Variants in HHIP observed in about 807,000 individuals in gnomAD.
The protein encoded by HHIP is hedgehog-interacting protein.
Under a neutral mutation model 74.0 loss-of-function variants are expected in HHIP, and 12 were observed. The ratio of observed to expected loss-of-function variants is 0.16; its 90% CI spans 0.10 to 0.26. The LOEUF (loss-of-function observed/expected upper bound fraction) is 0.26. HHIP is among the 10% of genes least tolerant of loss of function. The probability of loss-of-function intolerance (pLI) is 1.00; values close to 1 mark genes in which losing one functional copy is unlikely to be tolerated. For missense variants in HHIP, 788 were observed against 845.0 expected (o/e 0.93, Z 0.84); for synonymous variants, 309 against 311.6 (o/e 0.99, Z 0.09).
chr4:144,658,401 G>A (rs1016082539), intron 2 of HHIP, among the ~76,000 whole-genome samples: 1 of 148,554 alleles, frequency 6.7e-6, no homozygotes, highest in Non-Finnish European at 1.5e-5. Flanking sequence ...AAGGTGTCTC[G>A]CTCTGTGGCT....
intron 4 of HHIP, among the ~76,000 whole-genome samples, chr4:144,668,278 C>T (rs1161528275): frequency 6.6e-6 from 1 of 151,582 alleles, no homozygotes; most frequent in Non-Finnish European, 1.5e-5. Flanking sequence ...GATCGCGCCA[C>T]GCCACTGCAC....
chr4:144,735,020 T>C (rs1731072321), intron 12 of HHIP, 131 bp downstream of exon 12: 1 of 751,206 alleles, frequency 1.3e-6, no homozygotes, highest in African/African-American at 1.8e-5. Flanking sequence ...ACAATACTAT[T>C]AATGCTCATC....
At chr4:144,736,877 C>A (rs1731134496) in intron 12 of HHIP, among the ~76,000 whole-genome samples, 1 of 146,092 alleles carries the variant, frequency 6.8e-6, no homozygotes. Context: ...TTTTTCTATC[C>A]CATGTGTCAA....
At chr4:144,690,823 C>A (rs1051318927) in intron 4 of HHIP, among the ~76,000 whole-genome samples, 1 of 151,972 alleles carries the variant, frequency 6.6e-6, no homozygotes. Context: ...ATTAGCATGG[C>A]CAACAGAAAC....
intron 3 of HHIP, 94 bp downstream of exon 3, chr4:144,659,040 T>C (rs1363270766): frequency 1.0e-6 from 1 of 981,572 alleles, no homozygotes; most frequent in Non-Finnish European, 1.5e-6. Context: ...GTGCTTATGT[T>C]CAGCAGCTAT....
chr4:144,701,136 C>A (rs978895186), intron 4 of HHIP, among the ~76,000 whole-genome samples: 7 of 152,130 alleles, frequency 4.6e-5, no homozygotes, highest in Non-Finnish European at 1.0e-4. Flanking sequence ...AATACCACCA[C>A]TCTATTCTTA....
intron 4 of HHIP, among the ~76,000 whole-genome samples, chr4:144,685,426 A>G (rs542757188): frequency 6.6e-6 from 1 of 152,370 alleles, no homozygotes; most frequent in Admixed American, 6.5e-5. Context: ...GTGATATTAA[A>G]TAGTTGTACA....
At chr4:144,704,290 TAATC>T (rs1253702412) in intron 4 of HHIP, among the ~76,000 whole-genome samples, 1 of 151,184 alleles carries the variant, frequency 6.6e-6, no homozygotes, top group Non-Finnish European at 1.5e-5. Flanking sequence ...ATGTAATGAT[TAATC>T]AATTGTAAAT....
intron 2 of HHIP, among the ~76,000 whole-genome samples, chr4:144,654,088 C>T (rs1347428652): frequency 6.6e-6 from 1 of 152,158 alleles, no homozygotes; most frequent in Non-Finnish European, 1.5e-5. Context: ...GATATCAACA[C>T]TTAGCATTTT....
At chr4:144,717,827 T>A (rs1178651539) in intron 10 of HHIP, among the ~76,000 whole-genome samples, 1 of 152,180 alleles carries the variant, frequency 6.6e-6, no homozygotes, top group Non-Finnish European at 1.5e-5. Context: ...TGTACTTTCA[T>A]GTCTTCTAAA....
At chr4:144,703,041 A>T (rs1730031201) in intron 4 of HHIP, among the ~76,000 whole-genome samples, 1 of 152,072 alleles carries the variant, frequency 6.6e-6, no homozygotes, top group Admixed American at 6.5e-5. Flanking sequence ...ACATGGTGAA[A>T]CCCTGTCTCT....
rs780925810 is a variant in HHIP at position 144,737,808 on chromosome 4, C to T, written c.1954C>T (p.Pro652Ser). 2.4e-5 allele frequency: 38 copies of T among 1,613,322 alleles called. No individual in the cohort carries two copies. Among genetic ancestry groups the T allele is most frequent in the Non-Finnish European group, 2.8e-5 (33 of 1,179,548 alleles). Reference protein sequence around the residue: ...ACRHGGVCVRPNKCLCKKGYL... With the variant: ...ACRHGGVCVRSNKCLCKKGYL... ...TCGTCATGGAGGTGTCTGTGTTAGA[C>T]CGAACAAGTGCCTCTGTAAAAAAGG... Residue 652 changes from proline (P) to serine (S), a missense_variant, in exon 13 of 13, where the codon CCG becomes TCG. Coordinates refer to ENST00000296575, the MANE Select transcript of HHIP (RefSeq NM_022475.3).
chr4:144,718,686 A>G (rs534950001), intron 10 of HHIP, among the ~76,000 whole-genome samples, 189 bp from the exon 11 acceptor site: 1 of 152,224 alleles, frequency 6.6e-6, no homozygotes, highest in African/African-American at 2.4e-5. Context: ...TATGGAAAGG[A>G]GTGACTGGAA....
intron 11 of HHIP, among the ~76,000 whole-genome samples, chr4:144,731,440 A>G (rs938256324): frequency 3.3e-5 from 5 of 152,034 alleles, no homozygotes; most frequent in African/African-American, 1.2e-4. Flanking sequence ...TTATTTTGAG[A>G]TGGGGTTTCA....
At chr4:144,670,511 C>A (rs1729005299) in intron 4 of HHIP, among the ~76,000 whole-genome samples, 1 of 148,640 alleles carries the variant, frequency 6.7e-6, no homozygotes, top group Non-Finnish European at 1.5e-5. Context: ...AAAGTAATTG[C>A]GGTTTTTGCC....
chr4:144,715,445 AG>A lies in HHIP; in HGVS notation c.1678+16del, dbSNP rs748313128. ...AGATGAACTAGGTACTGTACAATCT[AG>A]TTCTGTTAAGTTTCATTCTCACTTC... On this transcript the variant is annotated intron_variant, in intron 10 of 12. Transcript: ENST00000296575. 1 of 1,603,358 alleles carries A rather than the reference AG, an allele frequency of 6.2e-7. No individual in the cohort carries two copies. Among genetic ancestry groups the A allele is most frequent in the South Asian group, 1.1e-5 (1 of 89,852 alleles).
chr4:144,702,145 C>G (rs1471643189), intron 4 of HHIP, among the ~76,000 whole-genome samples: 1 of 151,768 alleles, frequency 6.6e-6, no homozygotes, highest in African/African-American at 2.4e-5. Context: ...AGAGTGAAAC[C>G]ATGTATAAAA....
chr4:144,690,843 T>C lies in HHIP; in HGVS notation c.832-15688T>C, dbSNP rs78330123. 1.1e-4 allele frequency among the ~76,000 whole-genome samples: 17 copies of C among 152,300 alleles called. No homozygotes were observed. In the East Asian group the frequency reaches 2.3e-3, roughly 21 times the overall value. On this transcript the variant is annotated intron_variant, in intron 4 of 12. Coordinates refer to ENST00000296575, the MANE Select transcript of HHIP (RefSeq NM_022475.3). ...CATGGCCAACAGAAACAAAAAACTC[T>C]TACAGTCAAAGAAGAAAAATGAACT...
In HHIP at chr4:144,659,737, A is replaced by C. The variant is rs1276358613; in HGVS notation, c.730A>C (p.Ile244Leu). 6.2e-7 allele frequency: 1 copy of C among 1,611,530 alleles called. No homozygotes were observed. The highest frequency in any genetic ancestry group is 1.3e-5 in the African/African-American group (1 of 74,768). The change falls in exon 4 of 13, where the codon ATT becomes CTT. Residue 244 changes from isoleucine to leucine, a missense_variant. By Grantham distance (5) the Ile-to-Leu change is conservative. Transcript: ENST00000296575. ...HSGDGSQRLF[I>L]LEKEGYVKIL... The stretch of plus-strand genomic sequence containing the variant: ...TGGGGATGGCTCGCAACGTCTCTTC[A>C]TTCTGGAAAAAGAAGGTTATGTGAA...
Sources: allele counts gnomAD v4.1 joint callset (sites outside exome capture counted in the v4.1 genomes callset), GRCh38; gene constraint gnomAD v4.1.1; transcripts MANE v1.5; gene names NCBI Gene and HGNC (gene_info 2026-07-23, HGNC 2026-07-21).